NVL: variants seen among roughly 807,000 people sequenced by gnomAD.
The protein encoded by NVL is nuclear VCP like.
In NVL, 84 loss-of-function variants were observed where a neutral mutation model predicts 110.2. The observed-to-expected ratio is 0.76, with a 90% CI of 0.64 to 0.91. The LOEUF (loss-of-function observed/expected upper bound fraction) is 0.91, where lower values mean the gene tolerates loss of function less well. Ranked by LOEUF, NVL falls within the 40% of genes least tolerant of loss-of-function variation. The pLI is 0.00. For synonymous variants in NVL, 354 were observed against 361.1 expected (o/e 0.98, Z 0.22); for missense variants, 882 against 1,035.9 (o/e 0.85, Z 2.04).
At chr1:224,314,849 T>C (rs1314806189) in intron 4 of NVL, among the ~76,000 whole-genome samples, 1 of 151,938 alleles carries the variant, frequency 6.6e-6, no homozygotes, top group Non-Finnish European at 1.5e-5. Context: ...ATTAATACCC[T>C]TTTTTTCAAA....
intron 22 of NVL, among the ~76,000 whole-genome samples, chr1:224,229,186 C>T (rs1238727444): frequency 3.3e-5 from 5 of 151,652 alleles, no homozygotes; most frequent in Non-Finnish European, 5.9e-5. Flanking sequence ...ATCCCAGCTA[C>T]TCGGGAGGCT....
intron 15 of NVL, among the ~76,000 whole-genome samples, chr1:224,284,217 G>A (rs570225468): frequency 6.6e-6 from 1 of 151,900 alleles, no homozygotes; most frequent in Non-Finnish European, 1.5e-5. Context: ...CATGGTTACA[G>A]TCAAGATAAA....
At chr1:224,313,048 A>T (rs1390032093) in intron 4 of NVL, 7 of 377,904 alleles carry the variant, frequency 1.9e-5, no homozygotes, top group Non-Finnish European at 3.8e-5. Flanking sequence ...AATCCCAGCT[A>T]CCTGTGAGGC....
intron 19 of NVL, among the ~76,000 whole-genome samples, chr1:224,246,329 C>T (rs901541066): frequency 5.3e-5 from 8 of 152,154 alleles, no homozygotes; most frequent in Non-Finnish European, 8.8e-5. Context: ...TGTGCCTGGC[C>T]GAAGTGGGGT....
chr1:224,236,516 C>CA lies in NVL; in HGVS notation c.2355dup (p.Asp786Ter), dbSNP rs1384102056. On this transcript the variant is annotated frameshift_variant, in exon 20 of 23. Coordinates refer to ENST00000281701, the MANE Select transcript of NVL (RefSeq NM_002533.4). LOFTEE classifies it high-confidence loss of function. ...GATTTAAACACTTACGTATAGCAATCACAGCGAAGGTCACCAGCAATTGCT... is the reference window on the plus strand; with the variant it reads ...GATTTAAACACTTACGTATAGCAATCAACAGCGAAGGTCACCAGCAATTGCT... 6.2e-7 allele frequency: 1 copy of CA among 1,613,238 alleles called. No individual in the cohort carries two copies. Among genetic ancestry groups the CA allele is most frequent in the African/African-American group, 1.3e-5 (1 of 75,046 alleles).
Position 224,251,791 on chromosome 1 carries a change from C to T in NVL, c.2183-1473G>A, listed in dbSNP as rs923506430. ...CCCACCCTACCTCCCAAATACCAGG[C>T]AGGTTTCTCCCTTCCCTCTAACCAA... On this transcript the variant is annotated intron_variant, in intron 18 of 22. Coordinates refer to ENST00000281701, the MANE Select transcript of NVL (RefSeq NM_002533.4). Among the ~76,000 whole-genome samples, 203 of 152,218 alleles carry T rather than the reference C, an allele frequency of 1.3e-3. 1 individual carries two copies. Among genetic ancestry groups the T allele is most frequent in the African/African-American group, 4.8e-3 (198 of 41,492 alleles).
chr1:224,280,997 C>A, intron 16 of NVL, 126 bp downstream of exon 16: 1 of 837,678 alleles, frequency 1.2e-6, no homozygotes, highest in South Asian at 1.5e-5. Context: ...CTCCTCACTC[C>A]TACAGCACTG....
intron 4 of NVL, among the ~76,000 whole-genome samples, chr1:224,313,518 G>C (rs544605295): frequency 2.6e-5 from 4 of 152,134 alleles, no homozygotes; most frequent in African/African-American, 9.7e-5. Context: ...TAAAAAAGAA[G>C]TGGCAACATG....
At position 224,290,797 on chromosome 1, in the gene NVL, G is replaced by A. The variant is rs59246592; in HGVS notation, c.1326-1064C>T. Among the ~76,000 whole-genome samples the A allele has an allele frequency of 6.5e-3, 850 of 130,058 alleles. 9 individuals carry two copies. Among genetic ancestry groups the A allele is most frequent in the African/African-American group, 0.024 (802 of 33,392 alleles). The allele number at this position is 130,058 out of a possible 152,430, so 85.3% of individuals were successfully genotyped here. On this transcript the variant is annotated intron_variant, in intron 12 of 22. Coordinates refer to ENST00000281701, the MANE Select transcript of NVL (RefSeq NM_002533.4). ...AGCCTGGGCAACAGAGCGAGACTCT[G>A]TCTCAAAAAAAAAAAAAAAAAAATT...
intron 1 of NVL, 63 bp downstream of exon 1, chr1:224,330,008 G>A: frequency 1.3e-6 from 2 of 1,507,088 alleles, no homozygotes; most frequent in Non-Finnish European, 9.2e-7. Flanking sequence ...CGACAAAAGG[G>A]GAGTGGCACC....
intron 4 of NVL, among the ~76,000 whole-genome samples, chr1:224,317,116 G>A (rs947945694): frequency 6.6e-6 from 1 of 150,976 alleles, no homozygotes; most frequent in Admixed American, 6.6e-5. Flanking sequence ...TCCAGCCTGG[G>A]TGACAGAGTG....
At position 224,326,428 on chromosome 1, in the gene NVL, T is replaced by C; in HGVS notation, c.94A>G (p.Ile32Val). ...TSNKCGKYVD[I>V]GVLASDLQRV... Reference sequence around the variant, plus strand: ...TGTAAATCAGACGCTAAGACTCCAATGTCCACATATTTGCCACATTTGTTA... The same window carrying C: ...TGTAAATCAGACGCTAAGACTCCAACGTCCACATATTTGCCACATTTGTTA... The change falls in exon 2 of 23, where the codon ATT (isoleucine) becomes GTT (valine). Residue 32 changes from isoleucine (I) to valine (V), a missense_variant. Physicochemically the swap from Ile to Val is conservative, Grantham distance 29 (BLOSUM62 3). This residue lies in a region of NVL where 274 missense variants were observed against 268.4 expected (regional missense o/e 1.02). Coordinates refer to ENST00000281701, the MANE Select transcript of NVL (RefSeq NM_002533.4). The C allele has an allele frequency of 6.2e-7, 1 of 1,612,790 alleles. No individual in the cohort carries two copies. The highest frequency in any genetic ancestry group is 8.5e-7 in the Non-Finnish European group (1 of 1,179,168).
intron 1 of NVL, among the ~76,000 whole-genome samples, chr1:224,327,397 C>T (rs937015594): frequency 1.3e-5 from 2 of 152,034 alleles, no homozygotes; most frequent in African/African-American, 4.8e-5. Flanking sequence ...GAGCAGTGTT[C>T]ACACCACTGC....
chr1:224,257,309 T>C (rs941561964), intron 18 of NVL, among the ~76,000 whole-genome samples: 11 of 152,014 alleles, frequency 7.2e-5, no homozygotes, highest in Non-Finnish European at 1.5e-4. Context: ...AAAAAAGCTA[T>C]TACAGCTTGC....
Position 224,289,247 on chromosome 1 carries a change from C to T in NVL, c.1575+237G>A, listed in dbSNP as rs186198931. 443 of 461,082 alleles carry T rather than the reference C, an allele frequency of 9.6e-4. 7 individuals carry two copies. The highest frequency in any genetic ancestry group is 9.0e-3 in the South Asian group (268 of 29,626). The allele number at this position is 461,082 out of a possible 1,614,324, so 28.6% of individuals were successfully genotyped here. A position where few individuals can be genotyped will look rare whatever the true frequency, so the allele number is the denominator to read the frequency against. On this transcript the variant is annotated intron_variant, in intron 13 of 22. Transcript: ENST00000281701. ...GGTGGGTAGGCCACAGTCTGCCAAC[C>T]CCATTCCAGAATTTCATAATCATTA...
At chr1:224,245,142 T>A (rs983397001) in intron 19 of NVL, among the ~76,000 whole-genome samples, 1 of 152,198 alleles carries the variant, frequency 6.6e-6, no homozygotes, top group Non-Finnish European at 1.5e-5. Flanking sequence ...GAAAATTGTA[T>A]ATAAAACAAT....
chr1:224,239,384 G>A (rs1660900530), intron 19 of NVL, among the ~76,000 whole-genome samples: 1 of 151,986 alleles, frequency 6.6e-6, no homozygotes, highest in Non-Finnish European at 1.5e-5. Context: ...GAGGGGAGGG[G>A]GGCATCAGTG....
Position 224,287,970 on chromosome 1 carries a change from C to T in NVL, c.1599G>A (p.Gly533=). 1.9e-6 allele frequency: 3 copies of T among 1,613,136 alleles called. No individual in the cohort carries two copies. Among genetic ancestry groups the T allele is most frequent in the Admixed American group, 1.7e-5 (1 of 59,996 alleles). The change falls in exon 14 of 23, where the codon GGG becomes GGA. Residue 533 remains glycine, a synonymous_variant. Transcript: ENST00000281701. The part of the protein sequence containing the change: ...ETQDELQRLL[G]LLRDQDPLSE... ...AGAGGGGATCTTGGTCTCTTAGCAA[C>T]CCCAGCAGCCTTTGTAATTCATCCT...
chr1:224,242,306 G>A (rs1402992679), intron 19 of NVL, among the ~76,000 whole-genome samples: 1 of 152,004 alleles, frequency 6.6e-6, no homozygotes, highest in African/African-American at 2.4e-5. Flanking sequence ...TAAATTTTAT[G>A]TTATGTATCT....
Sources: allele counts gnomAD v4.1 joint callset (sites outside exome capture counted in the v4.1 genomes callset), GRCh38; gene constraint gnomAD v4.1.1; regional missense constraint gnomAD v4.1.1; transcripts MANE v1.5; gene names NCBI Gene and HGNC (gene_info 2026-07-23, HGNC 2026-07-21).